Variants in PKP4 observed in about 807,000 individuals in gnomAD.
PKP4 encodes plakophilin-4.
PKP4 carries 90 observed loss-of-function variants against 145.1 expected under a neutral mutation model. That is an observed-to-expected ratio of 0.62 (90% CI 0.52 to 0.74). The LOEUF (loss-of-function observed/expected upper bound fraction) is 0.74, where lower values mean the gene tolerates loss of function less well. PKP4 is among the 30% of genes least tolerant of loss of function. PKP4 has a pLI of 0.00. For synonymous variants in PKP4, 563 were observed against 577.2 expected (o/e 0.98, Z 0.35); for missense variants, 1,340 against 1,482.7 (o/e 0.90, Z 1.58).
intron 9 of PKP4, among the ~76,000 whole-genome samples, chr2:158,639,054 A>C (rs967356336): frequency 5.3e-5 from 8 of 152,146 alleles, no homozygotes; most frequent in African/African-American, 1.9e-4. Context: ...CTAATTACTA[A>C]TCCTGAGTTC....
At chr2:158,489,838 A>G (rs1694689403) in intron 1 of PKP4, among the ~76,000 whole-genome samples, 3 of 152,196 alleles carry the variant, frequency 2.0e-5, no homozygotes, top group African/African-American at 7.2e-5. Context: ...CTCACAGTCT[A>G]TAGTAGGAAA....
chr2:158,633,337 AG>A (rs890376320), intron 8 of PKP4, among the ~76,000 whole-genome samples: 8 of 152,234 alleles, frequency 5.3e-5, no homozygotes, highest in African/African-American at 9.6e-5. Context: ...AAGTAAAATA[AG>A]GGTTGTTTAA....
In PKP4 at chr2:158,457,038, A is replaced by ACCG. The variant is rs1288186929; in HGVS notation, c.-176_-174dup. ...CAAGGGGTAGAGGGGCAAGTTGGCC[A>ACCG]CCGCCGCCGCCGGGGGTGGTGGGAG... is the stretch of plus-strand genomic sequence containing the variant. On this transcript the variant is annotated 5_prime_UTR_variant, in exon 1 of 22. Coordinates refer to ENST00000389759, the MANE Select transcript of PKP4 (RefSeq NM_003628.6). The ACCG allele has an allele frequency of 9.3e-6, 1 of 107,478 alleles. No individual in the cohort carries two copies. Among genetic ancestry groups the ACCG allele is most frequent in the South Asian group, 3.5e-4 (1 of 2,888 alleles). 6.7% of individuals were successfully genotyped at this position (107,478 alleles called of 1,614,324 possible).
chr2:158,578,485 A>G (rs1010447108), intron 3 of PKP4, among the ~76,000 whole-genome samples: 1 of 116,414 alleles, frequency 8.6e-6, no homozygotes, highest in African/African-American at 2.8e-5. Context: ...AGACTTTGCA[A>G]TACCCAATGA....
chr2:158,463,225 A>G (rs897888627), intron 1 of PKP4, among the ~76,000 whole-genome samples: 3 of 152,200 alleles, frequency 2.0e-5, no homozygotes, highest in Non-Finnish European at 4.4e-5. Flanking sequence ...CTAGCCAACA[A>G]GTATAGGAGA....
intron 10 of PKP4, 148 bp downstream of exon 10, chr2:158,640,907 A>G (rs192023119): frequency 2.3e-4 from 189 of 831,766 alleles, no homozygotes; most frequent in Admixed American, 7.9e-4. Context: ...TCACTTAACT[A>G]TGCATTTCAG....
chr2:158,502,591 T>A (rs1696747833), intron 1 of PKP4, among the ~76,000 whole-genome samples: 1 of 152,188 alleles, frequency 6.6e-6, no homozygotes, highest in Non-Finnish European at 1.5e-5. Flanking sequence ...ATCGCTGCAG[T>A]CACTTCTAGT....
rs76005139 is a variant in PKP4, at chr2:158,600,545, G to A, written c.246-2525G>A. On this transcript the variant is annotated intron_variant, in intron 3 of 21. Coordinates refer to ENST00000389759, the MANE Select transcript of PKP4 (RefSeq NM_003628.6). ...CCTGTGATTGTTGTAATAAACATGG[G>A]TTTATTAGAACAATTGCCTTTGGTG... 7.2e-3 allele frequency among the ~76,000 whole-genome samples: 1,099 copies of A among 152,298 alleles called. 9 individuals are homozygous for A. Among genetic ancestry groups the A allele is most frequent in the Non-Finnish European group, 0.013 (892 of 68,020 alleles).
At chr2:158,574,390 T>C (rs1479916163) in intron 2 of PKP4, among the ~76,000 whole-genome samples, 1 of 152,226 alleles carries the variant, frequency 6.6e-6, no homozygotes, top group African/African-American at 2.4e-5. Flanking sequence ...GGATAAAATA[T>C]AAGAATTTTT....
intron 11 of PKP4, among the ~76,000 whole-genome samples, chr2:158,657,606 T>C (rs1291950504): frequency 6.6e-6 from 1 of 152,218 alleles, no homozygotes; most frequent in Non-Finnish European, 1.5e-5. Context: ...AAGTGCTTTA[T>C]TGAAGCTTGA....
At position 158,625,330 on chromosome 2, in the gene PKP4, T is replaced by C; in HGVS notation, c.1056T>C (p.Pro352=). 1 of 1,614,186 alleles carries C rather than the reference T, an allele frequency of 6.2e-7. No homozygotes were observed. The highest frequency in any genetic ancestry group is 8.5e-7 in the Non-Finnish European group (1 of 1,180,008). The part of the protein sequence containing the change: ...GMTAVPQHLG[P]SLQRTVHDME... ...CCGCCGTACCACAGCATCTGGGACC[T>C]TCACTGCAAAGGACTGTTCATGACA... The change falls in exon 7 of 22, where the codon CCT becomes CCC. Residue 352 remains proline, a synonymous_variant. Transcript: ENST00000389759.
rs748804199 is a variant in PKP4, at chr2:158,621,002, C to G, written c.293C>G (p.Thr98Ser). Residue 98 changes from threonine to serine, a missense_variant, in exon 5 of 22, where the codon ACT (threonine) becomes AGT (serine). Coordinates refer to ENST00000389759, the MANE Select transcript of PKP4 (RefSeq NM_003628.6). ...FPWRSTDVPN[T>S]GVSKPRVSDA... ...TTTCTTGTTACAGACGTGCCAAATA[C>G]TGGTGTAAGCAAACCTAGAGTTTCT... 1 of 1,613,962 alleles carries G rather than the reference C, an allele frequency of 6.2e-7. No individual in the cohort carries two copies. Among genetic ancestry groups the G allele is most frequent in the East Asian group, 2.2e-5 (1 of 44,868 alleles).
At chr2:158,679,414 T>C (rs193097370) in intron 21 of PKP4, 157 of 152,344 alleles carry the variant, frequency 1.0e-3, no homozygotes, top group African/African-American at 3.7e-3. Flanking sequence ...AAAAGAACTT[T>C]CCAAGTTATT....
chr2:158,466,000 T>A (rs1690549184), intron 1 of PKP4, among the ~76,000 whole-genome samples: 1 of 152,236 alleles, frequency 6.6e-6, no homozygotes, highest in African/African-American at 2.4e-5. Flanking sequence ...TATTTAGAAC[T>A]GTGAATATAA....
At chr2:158,491,174 G>C (rs1244060666) in intron 1 of PKP4, among the ~76,000 whole-genome samples, 1 of 152,052 alleles carries the variant, frequency 6.6e-6, no homozygotes, top group Non-Finnish European at 1.5e-5. Context: ...CCCTCCTTCT[G>C]TGATGGTTAT....
intron 17 of PKP4, 68 bp downstream of exon 17, chr2:158,669,983 G>A: frequency 5.8e-6 from 7 of 1,214,616 alleles, no homozygotes; most frequent in Non-Finnish European, 8.0e-6. Flanking sequence ...TGAGGCCTTT[G>A]TTGAGGATAC....
At chr2:158,512,201 T>G (rs112349596) in intron 1 of PKP4, among the ~76,000 whole-genome samples, 1 of 152,242 alleles carries the variant, frequency 6.6e-6, no homozygotes, top group Non-Finnish European at 1.5e-5. Context: ...TTTGGAATAC[T>G]AAACTCGTAT....
At chr2:158,596,315 G>C (rs951435763) in intron 3 of PKP4, among the ~76,000 whole-genome samples, 13 of 152,118 alleles carry the variant, frequency 8.5e-5, no homozygotes, top group African/African-American at 3.1e-4. Context: ...ATCTGTAAAC[G>C]TGGGCGTTTT....
intron 1 of PKP4, among the ~76,000 whole-genome samples, chr2:158,478,597 G>T (rs1692871754): frequency 6.6e-6 from 1 of 152,190 alleles, no homozygotes; most frequent in Non-Finnish European, 1.5e-5. Context: ...ATCAGTGATG[G>T]CTTAAACCTT....
Sources: gnomAD v4.1 joint callset for allele counts (sites outside exome capture counted in the v4.1 genomes callset) on GRCh38, gnomAD v4.1.1 for gene constraint, MANE v1.5 for transcripts, NCBI Gene and HGNC (gene_info 2026-07-23, HGNC 2026-07-21) for gene names.